DAB1: variants seen among roughly 807,000 people sequenced by gnomAD.
The protein encoded by DAB1 is disabled homolog 1.
Under a neutral mutation model 64.6 loss-of-function variants are expected in DAB1, and 15 were observed. That is an observed-to-expected ratio of 0.23 (90% CI 0.16 to 0.36). The LOEUF is 0.36. DAB1 is among the 10% of genes least tolerant of loss of function. The probability of loss-of-function intolerance (pLI) is 1.00; values close to 1 mark genes in which losing one functional copy is unlikely to be tolerated. For missense variants in DAB1, 596 were observed against 706.7 expected (o/e 0.84, Z 1.78); for synonymous variants, 235 against 251.9 (o/e 0.93, Z 0.64).
intron 4 of DAB1, among the ~76,000 whole-genome samples, chr1:58,205,411 C>T (rs570851402): frequency 2.0e-3 from 310 of 152,294 alleles, no homozygotes; most frequent in Non-Finnish European, 3.5e-3. Context: ...CTCCAGTGTT[C>T]CTCTGCAAGA....
intron 2 of DAB1, among the ~76,000 whole-genome samples, chr1:57,215,914 C>G (rs1666389399): frequency 6.6e-6 from 1 of 152,158 alleles, no homozygotes; most frequent in South Asian, 2.1e-4. Context: ...TTGTGATCAG[C>G]ATGTGCATAA....
At chr1:57,016,908 A>G (rs1279402352) in intron 11 of DAB1, among the ~76,000 whole-genome samples, 3 of 152,060 alleles carry the variant, frequency 2.0e-5, no homozygotes, top group Admixed American at 1.3e-4. Context: ...TATTTTAGGG[A>G]TGAAGAAATT....
intron 1 of DAB1, among the ~76,000 whole-genome samples, chr1:58,528,289 T>C (rs1322869633): frequency 6.6e-6 from 1 of 152,234 alleles, no homozygotes; most frequent in Non-Finnish European, 1.5e-5. Flanking sequence ...GTCCAAATAC[T>C]GTTAACTTAT....
intron 7 of DAB1, among the ~76,000 whole-genome samples, chr1:57,620,950 C>A (rs1243925024): frequency 6.6e-6 from 1 of 152,064 alleles, no homozygotes; most frequent in South Asian, 2.1e-4. Flanking sequence ...TTTCTCATGC[C>A]CACCTTCTGC....
chr1:57,743,643 C>T (rs1435912261), intron 6 of DAB1, among the ~76,000 whole-genome samples: 1 of 152,134 alleles, frequency 6.6e-6, no homozygotes, highest in East Asian at 1.9e-4. Flanking sequence ...TTGAGCAGGG[C>T]CTACAGGTGT....
chr1:58,328,241 A>G (rs1370110113), intron 4 of DAB1, among the ~76,000 whole-genome samples: 1 of 152,202 alleles, frequency 6.6e-6, no homozygotes, highest in East Asian at 1.9e-4. Context: ...CTTCTGGAGA[A>G]CCTAACCTGC....
intron 1 of DAB1, among the ~76,000 whole-genome samples, chr1:57,318,155 C>CAAA (rs3042914): frequency 0.11 from 11,465 of 102,876 alleles, 927 homozygotes; most frequent in Non-Finnish European, 0.15. Flanking sequence ...AGCTGCAACT[C>CAAA]AAAAAAAAAA....
intron 7 of DAB1, among the ~76,000 whole-genome samples, chr1:57,574,559 A>T (rs934953895): frequency 6.6e-6 from 1 of 152,172 alleles, no homozygotes; most frequent in Non-Finnish European, 1.5e-5. Flanking sequence ...ACGAGATTCA[A>T]TTTCTGGTTC....
At chr1:57,761,493 T>G (rs1557465907) in intron 6 of DAB1, among the ~76,000 whole-genome samples, 1 of 152,176 alleles carries the variant, frequency 6.6e-6, no homozygotes, top group Non-Finnish European at 1.5e-5. Context: ...TCTGAGGTCT[T>G]ATTGATTGCT....
intron 3 of DAB1, among the ~76,000 whole-genome samples, chr1:58,417,019 T>A (rs531127087): frequency 3.2e-4 from 48 of 152,360 alleles, no homozygotes; most frequent in Admixed American, 2.6e-3. Flanking sequence ...GAAATGAATG[T>A]CACCCTTTCT....
At chr1:57,305,011 A>G (rs916625770) in intron 1 of DAB1, among the ~76,000 whole-genome samples, 1 of 152,202 alleles carries the variant, frequency 6.6e-6, no homozygotes, top group Non-Finnish European at 1.5e-5. Context: ...ATCCAATAAC[A>G]CACTTCCTCA....
intron 5 of DAB1, among the ~76,000 whole-genome samples, chr1:58,145,680 G>A (rs1654550159): frequency 6.6e-6 from 1 of 152,200 alleles, no homozygotes; most frequent in Non-Finnish European, 1.5e-5. Context: ...TTATCATGGA[G>A]ATTAAAAGAG....
In DAB1 at chr1:57,206,412, T is replaced by C. The variant is rs1369904958; in HGVS notation, c.68-60983A>G. ...AGCCCCCACTACCTCATTGATAAGA[T>C]TTGTAATATGGAAACAGTCTATGAT... On this transcript the variant is annotated intron_variant, in intron 2 of 14. Coordinates refer to ENST00000371236, the MANE Select transcript of DAB1 (RefSeq NM_001365792.1). 3.9e-5 allele frequency among the ~76,000 whole-genome samples: 6 copies of C among 152,274 alleles called. No individual in the cohort carries two copies. In the South Asian group the frequency reaches 1.0e-3, roughly 26 times the overall value.
At chr1:57,482,450 T>C (rs1295531526) in intron 7 of DAB1, among the ~76,000 whole-genome samples, 1 of 126,212 alleles carries the variant, frequency 7.9e-6, no homozygotes, top group Non-Finnish European at 1.6e-5. Context: ...TAAAAATAAT[T>C]GACCCCAGTT....
intron 5 of DAB1, among the ~76,000 whole-genome samples, chr1:57,910,135 G>A (rs965810423): frequency 6.6e-6 from 1 of 152,144 alleles, no homozygotes; most frequent in Non-Finnish European, 1.5e-5. Context: ...TGAAATTGGG[G>A]TACAGGCACA....
In DAB1 at chr1:58,500,600, T is replaced by G. The variant is rs371444957; in HGVS notation, n.257+5460A>C. Among the ~76,000 whole-genome samples the G allele has an allele frequency of 2.6e-5, 4 of 152,230 alleles. No homozygotes were observed. The East Asian group carries it at 7.7e-4, about 29-fold the overall frequency. On this transcript the variant is annotated intron_variant and non_coding_transcript_variant, in intron 3 of 20. Coordinates refer to the DAB1 transcript ENST00000485760. ...GAATGAAGTGAATTTGATAAAGATTTTTTTAAGTTTCTGAATAAAGCCAGT... is the reference window on the plus strand; with the variant it reads ...GAATGAAGTGAATTTGATAAAGATTGTTTTAAGTTTCTGAATAAAGCCAGT...
intron 4 of DAB1, among the ~76,000 whole-genome samples, chr1:58,161,972 A>G (rs1655561965): frequency 6.6e-6 from 1 of 152,176 alleles, no homozygotes; most frequent in South Asian, 2.1e-4. Context: ...CAACAACATG[A>G]TAACCAATTA....
chr1:58,084,236 G>T (rs1336884794), intron 5 of DAB1, among the ~76,000 whole-genome samples: 1 of 152,068 alleles, frequency 6.6e-6, no homozygotes, highest in African/African-American at 2.4e-5. Flanking sequence ...CTGAAACAAG[G>T]AAAACATCAG....
chr1:58,144,945 T>C (rs1443279527), intron 5 of DAB1, among the ~76,000 whole-genome samples: 1 of 151,834 alleles, frequency 6.6e-6, no homozygotes, highest in Admixed American at 6.6e-5. Flanking sequence ...ACAAACACAG[T>C]AAAACAGAAA....
Sources: allele counts gnomAD v4.1 joint callset (sites outside exome capture counted in the v4.1 genomes callset), GRCh38; gene constraint gnomAD v4.1.1; transcripts MANE v1.5; gene names NCBI Gene and HGNC (gene_info 2026-07-23, HGNC 2026-07-21).